The following NCAPD2 variants were observed in gnomAD, a reference collection of about 807,000 sequenced individuals.
NCAPD2 encodes condensin complex subunit 1.
A neutral mutation model predicts 164.5 loss-of-function variants in NCAPD2; 100 were observed. That is an observed-to-expected ratio of 0.61 (90% CI 0.52 to 0.72). The LOEUF (loss-of-function observed/expected upper bound fraction) is 0.72, where lower values mean the gene tolerates loss of function less well. Ranked by LOEUF, NCAPD2 falls within the 30% of genes least tolerant of loss-of-function variation. The probability of loss-of-function intolerance (pLI) is 0.00; values close to 1 mark genes in which losing one functional copy is unlikely to be tolerated. For missense variants in NCAPD2, 1,560 were observed against 1,749.2 expected (o/e 0.89, Z 1.93); for synonymous variants, 585 against 642.6 (o/e 0.91, Z 1.36).
intron 6 of NCAPD2, 68 bp downstream of exon 6, chr12:6,511,320 G>GT: frequency 1.3e-6 from 2 of 1,525,650 alleles, no homozygotes; most frequent in South Asian, 1.2e-5. Context: ...TAGATATGCC[G>GT]TTTTTTTGGT....
rs560564515 is a variant in NCAPD2 at position 6,525,047 on chromosome 12, C to T, written c.2215-536C>T. On this transcript the variant is annotated intron_variant, in intron 17 of 31. Transcript: ENST00000315579. ...AGACCAACCCATGGGAAGGAAGGCC[C>T]GTGGAGGCTGCTGCAGTGGGCAGTA... Among the ~76,000 whole-genome samples, 14 of 152,202 alleles carry T rather than the reference C, an allele frequency of 9.2e-5. No individual in the cohort carries two copies. The East Asian group carries it at 2.1e-3, about 23-fold the overall frequency.
At chr12:6,523,156 C>T (rs1481243296) in intron 16 of NCAPD2, 106 bp from the exon 17 acceptor site, 14 of 1,453,406 alleles carry the variant, frequency 9.6e-6, no homozygotes, top group Admixed American at 3.6e-5. Flanking sequence ...GCTCGGTTTC[C>T]AGGGAGAGCA....
chr12:6,504,202 TATATATATATATATAGATATAG>T (rs1490100313), intron 2 of NCAPD2, among the ~76,000 whole-genome samples: 20 of 21,988 alleles, frequency 9.1e-4, no homozygotes, highest in Middle Eastern at 0.017. Context: ...TATATATATA[TATATATATATATATAGATATAG>T]ATATATATAT....
chr12:6,494,953 ATGT>A, intron 1 of NCAPD2, 120 bp from the exon 2 acceptor site: 1 of 937,016 alleles, frequency 1.1e-6, no homozygotes, highest in Non-Finnish European at 1.6e-6. Flanking sequence ...AAACCAGATG[ATGT>A]TACTAGCTTG....
chr12:6,520,397 T>C lies in NCAPD2; in HGVS notation c.1590-589T>C, dbSNP rs11064243. On this transcript the variant is annotated intron_variant, in intron 13 of 31. Transcript: ENST00000315579. ...AGCTGAGACCACAGGCACACACCAT[T>C]ACACCCACAGGCACACACCATCACA... Among the ~76,000 whole-genome samples, 175 of 104,410 alleles carry C rather than the reference T, an allele frequency of 1.7e-3. 2 individuals carry two copies. The East Asian group carries it at 0.043, about 26-fold the overall frequency. The allele number at this position is 104,410 out of a possible 152,430, so 68.5% of individuals were successfully genotyped here. A position where few individuals can be genotyped will look rare whatever the true frequency, so the allele number is the denominator to read the frequency against.
intron 2 of NCAPD2, among the ~76,000 whole-genome samples, chr12:6,498,940 A>G (rs1169925873): frequency 6.6e-6 from 1 of 152,108 alleles, no homozygotes; most frequent in East Asian, 1.9e-4. Context: ...GAGCAATTGT[A>G]ACTATGCCAG....
At chr12:6,523,148 T>C (rs1946280734) in intron 16 of NCAPD2, 114 bp from the exon 17 acceptor site, 2 of 1,447,816 alleles carry the variant, frequency 1.4e-6, no homozygotes, top group African/African-American at 2.8e-5. Context: ...AGGGTGGGGC[T>C]CGGTTTCCAG....
rs910226898 is a variant in NCAPD2, at chr12:6,525,472, C to A, written c.2215-111C>A. 1.4e-4 allele frequency: 182 copies of A among 1,279,310 alleles called. 1 individual carries two copies. The highest frequency in any genetic ancestry group is 1.8e-4 in the Non-Finnish European group (163 of 931,338). The allele number at this position is 1,279,310 out of a possible 1,614,324, so 79.2% of individuals were successfully genotyped here. ...AACCTCCTCTTTTCTTTTTCTCTTC[C>A]TAAGTATTACTTTTGTCTACTTCAG... On this transcript the variant is annotated intron_variant, in intron 17 of 31. Coordinates refer to ENST00000315579, the MANE Select transcript of NCAPD2 (RefSeq NM_014865.4).
Position 6,530,145 on chromosome 12 carries a change from A to G in NCAPD2, c.3837+187A>G, listed in dbSNP as rs560857929. 1.1e-4 allele frequency among the ~76,000 whole-genome samples: 17 copies of G among 152,306 alleles called. No homozygotes were observed. The East Asian group carries it at 3.1e-3, about 28-fold the overall frequency. ...CTCCAGTTCTTTTTTTATTACTCCA[A>G]AAACACAACCAAAGCAGCATCTCAT... On this transcript the variant is annotated intron_variant, in intron 29 of 31. Transcript: ENST00000315579.
In NCAPD2 at chr12:6,517,647, C is replaced by T. The variant is rs1592172580; in HGVS notation, c.1372C>T (p.Gln458Ter). ...GPLQKETQKL[Q>*]EMRAQRRTAA... The stretch of plus-strand genomic sequence containing the variant: ...ACTGCAGAAGGAGACCCAGAAATTA[C>T]AAGAGATGAGGGCCCAGAGGCGAAC... The change falls in exon 12 of 32, where the codon CAA (glutamine) becomes TAA (stop). Residue 458 changes from glutamine (Q) to a stop codon, truncating the protein, a stop_gained. Coordinates refer to ENST00000315579, the MANE Select transcript of NCAPD2 (RefSeq NM_014865.4). LOFTEE classifies it high-confidence loss of function. The T allele has an allele frequency of 4.3e-6, 7 of 1,614,236 alleles. No individual in the cohort carries two copies. Among genetic ancestry groups the T allele is most frequent in the East Asian group, 2.2e-5 (1 of 44,888 alleles).
chr12:6,530,979 G>A lies in NCAPD2; in HGVS notation c.4023G>A (p.Glu1341=), dbSNP rs1946367116. 6.2e-7 allele frequency: 1 copy of A among 1,614,150 alleles called. No homozygotes were observed. The highest frequency in any genetic ancestry group is 8.5e-7 in the Non-Finnish European group (1 of 1,180,034). Residue 1341 remains glutamate (E), a synonymous_variant, in exon 31 of 32, where the codon GAG becomes GAA. Coordinates refer to ENST00000315579, the MANE Select transcript of NCAPD2 (RefSeq NM_014865.4). ...TASDNDFVTP[E]PRRTTRRHPN... is the part of the protein sequence containing the mutation. The stretch of plus-strand genomic sequence containing the variant: ...CAGACAATGACTTTGTCACACCAGA[G>A]CCCCGCCGTACTACCCGTCGGCATC...
intron 13 of NCAPD2, among the ~76,000 whole-genome samples, chr12:6,519,894 C>G (rs1946248434): frequency 6.6e-6 from 1 of 151,524 alleles, no homozygotes; most frequent in Non-Finnish European, 1.5e-5. Flanking sequence ...TTATAGATGG[C>G]CAGGTGCAGT....
chr12:6,509,614 A>T lies in NCAPD2; in HGVS notation c.128-103A>T. On this transcript the variant is annotated intron_variant, in intron 2 of 31. Coordinates refer to ENST00000315579, the MANE Select transcript of NCAPD2 (RefSeq NM_014865.4). ...GTGAACTGTTTGTCTCTTTTTTGTG[A>T]TTCTACCAATAAAAGCAATAAACCT... 11 of 1,062,112 alleles carry T rather than the reference A, an allele frequency of 1.0e-5. No homozygotes were observed. In the Admixed American group the frequency reaches 1.3e-4, roughly 13 times the overall value. The allele number at this position is 1,062,112 out of a possible 1,614,324, so 65.8% of individuals were successfully genotyped here. A position where few individuals can be genotyped will look rare whatever the true frequency, so the allele number is the denominator to read the frequency against.
chr12:6,510,009 T>A, intron 3 of NCAPD2, 66 bp from the exon 4 acceptor site: 1 of 1,510,250 alleles, frequency 6.6e-7, no homozygotes, highest in Non-Finnish European at 9.2e-7. Context: ...GGGTTAGATC[T>A]GATCTGTTAG....
chr12:6,498,581 A>G (rs1380217355), intron 2 of NCAPD2, among the ~76,000 whole-genome samples: 1 of 152,124 alleles, frequency 6.6e-6, no homozygotes, highest in African/African-American at 2.4e-5. Context: ...TGTTTAATTT[A>G]CAAATTAGAT....
At chr12:6,524,309 C>T (rs1470455562) in intron 17 of NCAPD2, among the ~76,000 whole-genome samples, 1 of 152,192 alleles carries the variant, frequency 6.6e-6, no homozygotes, top group African/African-American at 2.4e-5. Flanking sequence ...GAGCACAGTT[C>T]ACATTGTAGA....
intron 13 of NCAPD2, among the ~76,000 whole-genome samples, chr12:6,518,504 G>GTTTTTTTTTTGTTTTGTTTTT (rs1946226760): frequency 4.5e-5 from 2 of 44,776 alleles, no homozygotes; most frequent in African/African-American, 2.0e-4. Context: ...CCGTCAACAA[G>GTTTTTTTTTTGTTTTGTTTTT]TTTTTTTTTT....
intron 22 of NCAPD2, among the ~76,000 whole-genome samples, 174 bp from the exon 23 acceptor site, chr12:6,527,602 CA>C (rs749279194): frequency 3.3e-5 from 5 of 152,222 alleles, no homozygotes; most frequent in Non-Finnish European, 7.3e-5. Flanking sequence ...ATGGGGACCT[CA>C]TTGTTCCCCT....
chr12:6,529,991 G>A, intron 29 of NCAPD2, 33 bp downstream of exon 29: 2 of 1,591,754 alleles, frequency 1.3e-6, no homozygotes, highest in South Asian at 2.3e-5. Flanking sequence ...ATGCCTGTTG[G>A]GTTCTGGGCT....
Sources: allele counts gnomAD v4.1 joint callset (sites outside exome capture counted in the v4.1 genomes callset), GRCh38; gene constraint gnomAD v4.1.1; transcripts MANE v1.5; gene names NCBI Gene and HGNC (gene_info 2026-07-23, HGNC 2026-07-21).